The following LRCH3 variants were observed in gnomAD, a reference collection of about 807,000 sequenced individuals.
LRCH3 encodes leucine rich repeats and calponin homology domain containing 3.
LRCH3 carries 68 observed loss-of-function variants against 104.5 expected under a neutral mutation model. The observed-to-expected ratio is 0.65, with a 90% CI of 0.54 to 0.80. The LOEUF (loss-of-function observed/expected upper bound fraction) is 0.80. LRCH3 is among the 30% of genes least tolerant of loss of function. The probability of loss-of-function intolerance (pLI) is 0.00; values close to 1 mark genes in which losing one functional copy is unlikely to be tolerated. For synonymous variants in LRCH3, 344 were observed against 361.3 expected (o/e 0.95, Z 0.54); for missense variants, 951 against 953.9 (o/e 1.00, Z 0.04).
chr3:197,883,033 A>G lies in LRCH3; in HGVS notation c.2209-508A>G. On this transcript the variant is annotated intron_variant, in intron 20 of 20. Coordinates refer to ENST00000425562, the MANE Select transcript of LRCH3 (RefSeq NM_001365715.1). This position sits in a 1 kb window ranked among gnomAD's most constrained non-coding sequence, Gnocchi z 4.2. ...CTGGTCTGGAAACCCTGGTTTTCAC[A>G]GTCAGGATTATAATGCAGATAGCGT... The G allele has an allele frequency of 1.0e-6, 1 of 985,470 alleles. No homozygotes were observed. The highest frequency in any genetic ancestry group is 5.2e-4 in the Middle Eastern group (1 of 1,914). 61.0% of individuals were successfully genotyped at this position (985,470 alleles called of 1,614,324 possible).
chr3:197,791,641 G>A, intron 1 of LRCH3, 101 bp downstream of exon 1: 1 of 1,334,112 alleles, frequency 7.5e-7, no homozygotes. Context: ...AGCTCGTCCC[G>A]TAGGCGCCGG....
At chr3:197,795,296 C>T (rs1731061815) in intron 1 of LRCH3, among the ~76,000 whole-genome samples, 1 of 152,106 alleles carries the variant, frequency 6.6e-6, no homozygotes, top group Admixed American at 6.5e-5. Context: ...AGGGAACCAC[C>T]CCTCTCAGTT....
rs368026015 is a variant in LRCH3, at chr3:197,856,964, A to C, written c.1645-1870A>C. Among the ~76,000 whole-genome samples the C allele has an allele frequency of 6.6e-6, 1 of 152,270 alleles. No homozygotes were observed. Among genetic ancestry groups the C allele is most frequent in the Non-Finnish European group, 1.5e-5 (1 of 68,054 alleles). ...AAGACCTTGAAACTTACGATTTGAA[A>C]TGAAGATTTATAACAGCTAATATCA... On this transcript the variant is annotated intron_variant, in intron 14 of 20. Transcript: ENST00000425562. This position sits in a 1 kb window ranked among gnomAD's most constrained non-coding sequence, Gnocchi z 4.2.
chr3:197,820,531 C>T (rs757635530), intron 4 of LRCH3, 101 bp downstream of exon 4: 13 of 775,268 alleles, frequency 1.7e-5, no homozygotes, highest in Admixed American at 1.0e-4. Context: ...TACATCTAGG[C>T]TGGGCGCTGT....
chr3:197,817,331 T>TGTGTGTGTGTGTATTTTGTGTGTGTGTGC (rs1733926946), intron 3 of LRCH3, 29 bp downstream of exon 3: 1 of 431,848 alleles, frequency 2.3e-6, no homozygotes, highest in African/African-American at 2.8e-5. Flanking sequence ...TTGTCCAACA[T>TGTGTGTGTGTGTATTTTGTGTGTGTGTGC]GTGTGTGTGT....
chr3:197,832,780 AT>A (rs963884910), intron 8 of LRCH3, among the ~76,000 whole-genome samples: 18 of 151,050 alleles, frequency 1.2e-4, no homozygotes, highest in Admixed American at 8.6e-4. Context: ...TTATTCTGAC[AT>A]TAAAAAATTT....
chr3:197,824,859 T>G (rs147106431), intron 4 of LRCH3, among the ~76,000 whole-genome samples: 1 of 152,140 alleles, frequency 6.6e-6, no homozygotes, highest in African/African-American at 2.4e-5. Flanking sequence ...CGTGAGCCAC[T>G]GCACCTGGCC....
intron 1 of LRCH3, among the ~76,000 whole-genome samples, chr3:197,800,234 T>C (rs754820905): frequency 6.6e-5 from 10 of 151,910 alleles, no homozygotes; most frequent in Admixed American, 2.0e-4. Context: ...TTAAAAATGA[T>C]TTTCATATCA....
chr3:197,855,973 C>T (rs570478317), intron 14 of LRCH3, among the ~76,000 whole-genome samples: 4 of 152,214 alleles, frequency 2.6e-5, no homozygotes, highest in Non-Finnish European at 5.9e-5. Flanking sequence ...GAAGTCCGAA[C>T]GTGGCCTCGA....
In LRCH3 at chr3:197,885,813, ATAAAG is replaced by A. The variant is rs1267894173; in HGVS notation, c.*2151_*2155del. Reference sequence around the variant, plus strand: ...TTCACTGCCTTTGTAAAACAAGTAAATAAAGTAAGCGGAAGATATCTCTTTTGTTT... The same window carrying A: ...TTCACTGCCTTTGTAAAACAAGTAAATAAGCGGAAGATATCTCTTTTGTTT... On this transcript the variant is annotated 3_prime_UTR_variant, in exon 21 of 21. Transcript: ENST00000425562. 2 of 152,226 alleles carry A rather than the reference ATAAAG, an allele frequency of 1.3e-5. No homozygotes were observed. The highest frequency in any genetic ancestry group is 2.9e-5 in the Non-Finnish European group (2 of 68,038). 9.4% of individuals were successfully genotyped at this position (152,226 alleles called of 1,614,324 possible).
chr3:197,871,990 C>T (rs989279604), intron 19 of LRCH3, among the ~76,000 whole-genome samples: 2 of 152,060 alleles, frequency 1.3e-5, no homozygotes, highest in Non-Finnish European at 2.9e-5. Context: ...GTGTGAAGGA[C>T]GTTTACCCTA....
At chr3:197,850,646 T>C in intron 12 of LRCH3, 1 of 1,555,318 alleles carries the variant, frequency 6.4e-7, no homozygotes, top group Non-Finnish European at 8.9e-7. Flanking sequence ...AACCCTTAAG[T>C]TCAGCATCAC....
chr3:197,804,111 T>C (rs1451686557), intron 1 of LRCH3, among the ~76,000 whole-genome samples: 1 of 151,908 alleles, frequency 6.6e-6, no homozygotes, highest in African/African-American at 2.4e-5. Context: ...ATACAAAAAT[T>C]AGCCAGGCGT....
At chr3:197,836,477 T>C (rs180853039) in intron 9 of LRCH3, among the ~76,000 whole-genome samples, 115 of 152,324 alleles carry the variant, frequency 7.5e-4, no homozygotes, top group African/African-American at 2.5e-3. Flanking sequence ...GGCTTCACTT[T>C]AGTGGATGTG....
chr3:197,879,954 T>G (rs1206677169), intron 20 of LRCH3, among the ~76,000 whole-genome samples: 1 of 141,314 alleles, frequency 7.1e-6, no homozygotes, highest in African/African-American at 3.0e-5. Flanking sequence ...TGTATTTTTT[T>G]TTTTTTTTTG....
chr3:197,809,233 G>T (rs1482616716), intron 1 of LRCH3, among the ~76,000 whole-genome samples: 1 of 151,148 alleles, frequency 6.6e-6, no homozygotes, highest in African/African-American at 2.4e-5. Flanking sequence ...AAGAGGTAGA[G>T]GTTGCAGTGA....
At chr3:197,805,136 A>C (rs1345048390) in intron 1 of LRCH3, among the ~76,000 whole-genome samples, 1 of 151,808 alleles carries the variant, frequency 6.6e-6, no homozygotes, top group Non-Finnish European at 1.5e-5. Flanking sequence ...TCAGTGATCT[A>C]CCCGCCTTGG....
intron 8 of LRCH3, among the ~76,000 whole-genome samples, chr3:197,834,521 C>T (rs1232803758): frequency 1.3e-5 from 2 of 152,216 alleles, no homozygotes; most frequent in Admixed American, 6.5e-5. Context: ...GTCCAGTTTA[C>T]TCCTACCTTT....
At chr3:197,817,005 C>T (rs1733875210) in intron 2 of LRCH3, among the ~76,000 whole-genome samples, 171 bp from the exon 3 acceptor site, 1 of 152,064 alleles carries the variant, frequency 6.6e-6, no homozygotes, top group Non-Finnish European at 1.5e-5. Flanking sequence ...CAACACTGTG[C>T]CTGTAACCAT....
Sources: gnomAD v4.1 joint callset for allele counts (sites outside exome capture counted in the v4.1 genomes callset) on GRCh38, gnomAD v4.1.1 for gene constraint, Gnocchi (gnomAD v3.1) non-coding constraint, MANE v1.5 for transcripts, NCBI Gene and HGNC (gene_info 2026-07-23, HGNC 2026-07-21) for gene names.